TC2N: variants seen among roughly 807,000 people sequenced by gnomAD.
The protein encoded by TC2N is tandem C2 domains, nuclear.
In TC2N, 51 loss-of-function variants were observed where a neutral mutation model predicts 61.9. That is an observed-to-expected ratio of 0.82 (90% CI 0.66 to 1.04). The LOEUF (loss-of-function observed/expected upper bound fraction) is 1.04. Ranked by LOEUF, TC2N falls within the 50% of genes least tolerant of loss-of-function variation. The pLI is 0.00. For missense variants in TC2N, 556 were observed against 566.7 expected, an observed-to-expected ratio of 0.98 and a Z score of 0.19; for synonymous variants, 204 against 192.6, an observed-to-expected ratio of 1.06 and a Z score of -0.49.
At chr14:91,863,370 T>G (rs368548966) in intron 1 of TC2N, among the ~76,000 whole-genome samples, 1 of 152,126 alleles carries the variant, frequency 6.6e-6, no homozygotes, top group Admixed American at 6.5e-5. Flanking sequence ...GCAAGGAGAA[T>G]TGGGCAGCTC....
rs1886909558 is a variant in TC2N at position 91,814,274 on chromosome 14, CT to C, written c.-56-450del. Among the ~76,000 whole-genome samples the C allele has an allele frequency of 2.0e-5, 3 of 149,210 alleles. No individual in the cohort carries two copies. The South Asian group carries it at 6.3e-4, about 31-fold the overall frequency. On this transcript the variant is annotated intron_variant, in intron 1 of 11. Transcript: ENST00000435962. ...AGAAAGAGGTAAACTAGGACATGTG[CT>C]GATAAAACAGCAAGAAACCTAAGAC...
chr14:91,786,356 C>G (rs1223482279), intron 10 of TC2N, among the ~76,000 whole-genome samples: 2 of 152,136 alleles, frequency 1.3e-5, no homozygotes, highest in African/African-American at 4.8e-5. Context: ...GTGTGCTATC[C>G]ATTCTGTTTT....
chr14:91,826,347 T>C (rs952771378), intron 1 of TC2N, among the ~76,000 whole-genome samples: 2 of 142,280 alleles, frequency 1.4e-5, no homozygotes, highest in Non-Finnish European at 3.1e-5. Flanking sequence ...AGGAAAAAAA[T>C]ATGTATCTCT....
intron 1 of TC2N, among the ~76,000 whole-genome samples, chr14:91,840,010 C>T (rs925304614): frequency 1.3e-5 from 2 of 152,216 alleles, no homozygotes; most frequent in African/African-American, 4.8e-5. Context: ...AGTTTCACTT[C>T]TGCATCTAGG....
intron 9 of TC2N, among the ~76,000 whole-genome samples, chr14:91,789,904 T>C (rs1885563157): frequency 6.6e-6 from 1 of 152,194 alleles, no homozygotes; most frequent in African/African-American, 2.4e-5. Flanking sequence ...AGGGTTGAAA[T>C]GAAATGCTGA....
chr14:91,832,809 T>TA (rs912548633), intron 1 of TC2N, among the ~76,000 whole-genome samples: 36 of 149,500 alleles, frequency 2.4e-4, no homozygotes, highest in African/African-American at 5.2e-4. Context: ...AGCAAAAAAA[T>TA]AAAAAAAAAG....
rs777399296 is a variant in TC2N, at chr14:91,812,561, A to C, written c.68-16T>G. 1.5e-6 allele frequency: 2 copies of C among 1,322,654 alleles called. No homozygotes were observed. Among genetic ancestry groups the C allele is most frequent in the Non-Finnish European group, 1.1e-6 (1 of 931,152 alleles). 81.9% of individuals were successfully genotyped at this position (1,322,654 alleles called of 1,614,324 possible). Reference sequence around the variant, plus strand: ...TCCACAGAAACTGCATATAAAAGAAAAAAAAAGTCACAAATATGAATATAG... The same window carrying C: ...TCCACAGAAACTGCATATAAAAGAACAAAAAAGTCACAAATATGAATATAG... On this transcript the variant is annotated splice_polypyrimidine_tract_variant and intron_variant, in intron 2 of 11. Coordinates refer to ENST00000435962, the MANE Select transcript of TC2N (RefSeq NM_001128596.3).
chr14:91,810,110 C>A (rs915471965), intron 3 of TC2N, among the ~76,000 whole-genome samples: 1 of 152,164 alleles, frequency 6.6e-6, no homozygotes, highest in Non-Finnish European at 1.5e-5. Flanking sequence ...AAAAAGAGAA[C>A]AGGCACATCA....
chr14:91,787,646 T>G lies in TC2N; in HGVS notation c.1048-19A>C. On this transcript the variant is annotated intron_variant, in intron 9 of 11. Transcript: ENST00000435962. ...GGCAAACCTGCATATCAAAAAAGTG[T>G]CATTTGGTAGTTAAGAATAAAGTTT... 9 of 1,426,384 alleles carry G rather than the reference T, an allele frequency of 6.3e-6. No individual in the cohort carries two copies. Among genetic ancestry groups the G allele is most frequent in the Non-Finnish European group, 8.8e-6 (9 of 1,024,748 alleles). The allele number at this position is 1,426,384 out of a possible 1,614,324, so 88.4% of individuals were successfully genotyped here. A position where few individuals can be genotyped will look rare whatever the true frequency, so the allele number is the denominator to read the frequency against.
At chr14:91,850,182 T>A (rs1157136023) in intron 1 of TC2N, among the ~76,000 whole-genome samples, 1 of 147,410 alleles carries the variant, frequency 6.8e-6, no homozygotes, top group Non-Finnish European at 1.5e-5. Context: ...ATCTCTTTCC[T>A]AAAAAAAAAA....
At chr14:91,822,655 AAAGG>A (rs1232217268) in intron 1 of TC2N, among the ~76,000 whole-genome samples, 4 of 152,000 alleles carry the variant, frequency 2.6e-5, no homozygotes, top group Non-Finnish European at 4.4e-5. Context: ...AGAGGGACAG[AAAGG>A]AAGGACTTGG....
intron 1 of TC2N, among the ~76,000 whole-genome samples, chr14:91,862,286 G>C (rs1888606213): frequency 6.7e-6 from 1 of 148,964 alleles, no homozygotes; most frequent in Non-Finnish European, 1.5e-5. Context: ...GTTGCAGTGA[G>C]CTGAGATCAC....
intron 4 of TC2N, 50 bp from the exon 5 acceptor site, chr14:91,800,422 C>G (rs1886172114): frequency 9.8e-7 from 1 of 1,018,224 alleles, no homozygotes; most frequent in South Asian, 1.6e-5. Context: ...CACTGGAATT[C>G]TACTTAATTA....
intron 3 of TC2N, among the ~76,000 whole-genome samples, chr14:91,810,545 A>G (rs1476656748): frequency 6.6e-6 from 1 of 152,200 alleles, no homozygotes; most frequent in African/African-American, 2.4e-5. Context: ...AAGAAACAGG[A>G]AAATGTGATC....
intron 10 of TC2N, among the ~76,000 whole-genome samples, chr14:91,786,251 A>G (rs1015884780): frequency 6.6e-6 from 1 of 152,200 alleles, no homozygotes; most frequent in African/African-American, 2.4e-5. Context: ...TATAGTTCTG[A>G]TGATTTATTC....
intron 3 of TC2N, among the ~76,000 whole-genome samples, chr14:91,811,071 C>T (rs565564448): frequency 5.5e-4 from 83 of 152,188 alleles, no homozygotes; most frequent in Non-Finnish European, 9.6e-4. Flanking sequence ...AACAAATACA[C>T]ACAAAATTCT....
At chr14:91,834,351 G>GCTA (rs1887913464) in intron 1 of TC2N, among the ~76,000 whole-genome samples, 1 of 152,114 alleles carries the variant, frequency 6.6e-6, no homozygotes, top group South Asian at 2.1e-4. Context: ...CTCAGCTTCT[G>GCTA]CTACTTAACC....
At chr14:91,822,511 T>C (rs1887299045) in intron 1 of TC2N, among the ~76,000 whole-genome samples, 1 of 152,198 alleles carries the variant, frequency 6.6e-6, no homozygotes, top group Admixed American at 6.5e-5. Flanking sequence ...ATCTTATTAA[T>C]ACTGATTTGT....
chr14:91,842,582 A>G (rs1888183522), intron 1 of TC2N, among the ~76,000 whole-genome samples: 1 of 152,226 alleles, frequency 6.6e-6, no homozygotes, highest in South Asian at 2.1e-4. Flanking sequence ...AATGAGAAAT[A>G]GGATTGTTGC....
Sources: gnomAD v4.1 joint callset for allele counts (sites outside exome capture counted in the v4.1 genomes callset) on GRCh38, gnomAD v4.1.1 for gene constraint, MANE v1.5 for transcripts, NCBI Gene and HGNC (gene_info 2026-07-23, HGNC 2026-07-21) for gene names.